The following AGBL4 variants were observed in gnomAD, a reference collection of about 807,000 sequenced individuals.
AGBL4 encodes the protein cytosolic carboxypeptidase 6.
A neutral mutation model predicts 66.4 loss-of-function variants in AGBL4; 58 were observed. That is an observed-to-expected ratio of 0.87 (90% confidence interval 0.71 to 1.09). AGBL4 has a LOEUF of 1.09. AGBL4 is among the 50% of genes least tolerant of loss of function. The probability of loss-of-function intolerance (pLI) is 0.00; values close to 1 mark genes in which losing one functional copy is unlikely to be tolerated. For synonymous variants in AGBL4, 234 were observed against 222.9 expected, an observed-to-expected ratio of 1.05 and a Z score of -0.44; for missense variants, 579 against 631.0, an observed-to-expected ratio of 0.92 and a Z score of 0.88.
At chr1:49,597,610 G>A (rs991321415) in intron 3 of AGBL4, among the ~76,000 whole-genome samples, 1 of 152,184 alleles carries the variant, frequency 6.6e-6, no homozygotes, top group Admixed American at 6.5e-5. Flanking sequence ...TGTAAAATGA[G>A]GCCAGCCCCC....
chr1:48,607,181 A>G (rs72679398), intron 9 of AGBL4, among the ~76,000 whole-genome samples: 2 of 152,110 alleles, frequency 1.3e-5, no homozygotes, highest in African/African-American at 2.4e-5. Context: ...GTGCTGTATA[A>G]GTAGTCATTT....
chr1:48,745,453 G>A (rs1029413017), intron 6 of AGBL4, among the ~76,000 whole-genome samples: 1 of 152,156 alleles, frequency 6.6e-6, no homozygotes, highest in South Asian at 2.1e-4. Flanking sequence ...ATCAGAGGGA[G>A]CAGGGGTTGA....
intron 3 of AGBL4, among the ~76,000 whole-genome samples, chr1:49,452,188 T>C (rs1205542062): frequency 6.6e-6 from 1 of 151,902 alleles, no homozygotes; most frequent in African/African-American, 2.4e-5. Context: ...ATCTGTTTTA[T>C]TATGCTTCTG....
At chr1:49,232,286 C>T (rs1282039537) in intron 4 of AGBL4, among the ~76,000 whole-genome samples, 1 of 152,118 alleles carries the variant, frequency 6.6e-6, no homozygotes, top group East Asian at 1.9e-4. Flanking sequence ...ATCAGACCCA[C>T]ATCTGGTTGG....
chr1:48,752,690 G>A (rs1272298827), intron 6 of AGBL4, among the ~76,000 whole-genome samples: 1 of 152,068 alleles, frequency 6.6e-6, no homozygotes, highest in African/African-American at 2.4e-5. Context: ...TCTTGATGCA[G>A]TACCTACTGA....
chr1:50,009,192 A>AAAAC (rs1482177462), intron 1 of AGBL4, among the ~76,000 whole-genome samples: 3 of 152,160 alleles, frequency 2.0e-5, no homozygotes, highest in Non-Finnish European at 4.4e-5. Flanking sequence ...CATCTAGGGA[A>AAAAC]AAACAAACAA....
chr1:48,907,007 A>G (rs200561183), intron 5 of AGBL4, among the ~76,000 whole-genome samples: 2 of 152,314 alleles, frequency 1.3e-5, no homozygotes, highest in East Asian at 3.9e-4. Flanking sequence ...TAAGATGACA[A>G]GAACTGGTGA....
At chr1:49,644,965 T>C (rs1645856413) in intron 3 of AGBL4, among the ~76,000 whole-genome samples, 1 of 151,460 alleles carries the variant, frequency 6.6e-6, no homozygotes, top group Admixed American at 6.6e-5. Flanking sequence ...AAATCCCTAA[T>C]AGAAAAATAT....
chr1:48,655,007 G>C (rs1347134425), intron 7 of AGBL4, among the ~76,000 whole-genome samples: 7 of 152,210 alleles, frequency 4.6e-5, no homozygotes, highest in Non-Finnish European at 1.0e-4. Context: ...CTCCATCAAG[G>C]AGCCAGCCTG....
intron 5 of AGBL4, among the ~76,000 whole-genome samples, chr1:48,968,121 A>G (rs943756990): frequency 6.6e-6 from 1 of 152,158 alleles, no homozygotes; most frequent in East Asian, 1.9e-4. Context: ...AACTACCCTA[A>G]GGAAAAAACA....
chr1:49,658,889 TAGG>T (rs1344981630), intron 3 of AGBL4, among the ~76,000 whole-genome samples: 1 of 151,860 alleles, frequency 6.6e-6, no homozygotes, highest in Non-Finnish European at 1.5e-5. Context: ...GGGATAGCAT[TAGG>T]AGATATACCT....
At chr1:49,370,435 C>G (rs1644319324) in intron 3 of AGBL4, among the ~76,000 whole-genome samples, 1 of 152,056 alleles carries the variant, frequency 6.6e-6, no homozygotes, top group Non-Finnish European at 1.5e-5. Flanking sequence ...ATTCCTTCAT[C>G]TCCAGAAACT....
At chr1:48,903,254 T>C (rs1438802825) in intron 5 of AGBL4, among the ~76,000 whole-genome samples, 1 of 152,224 alleles carries the variant, frequency 6.6e-6, no homozygotes, top group Admixed American at 6.5e-5. Context: ...TCTGGTAATC[T>C]GTTTGTTTCT....
At chr1:48,913,172 G>T (rs1432759144) in intron 5 of AGBL4, among the ~76,000 whole-genome samples, 2 of 152,160 alleles carry the variant, frequency 1.3e-5, no homozygotes, top group African/African-American at 4.8e-5. Context: ...AAAGAATATG[G>T]GAAGTCACCA....
At chr1:49,310,751 G>A (rs1644928586) in intron 3 of AGBL4, among the ~76,000 whole-genome samples, 1 of 152,028 alleles carries the variant, frequency 6.6e-6, no homozygotes, top group African/African-American at 2.4e-5. Context: ...AAAACTGGCT[G>A]TGAAGTTAGA....
intron 3 of AGBL4, among the ~76,000 whole-genome samples, chr1:49,451,586 C>T (rs1010440801): frequency 2.6e-5 from 4 of 151,916 alleles, no homozygotes; most frequent in African/African-American, 9.7e-5. Flanking sequence ...GGCACATCTG[C>T]CTTTTATGAA....
chr1:49,009,471 C>T (rs1381571115), intron 5 of AGBL4, among the ~76,000 whole-genome samples: 148 of 150,596 alleles, frequency 9.8e-4, no homozygotes, highest in African/African-American at 3.4e-3. Flanking sequence ...TGGTACCATT[C>T]CTTCTGAAAC....
At chr1:49,905,822 A>G (rs1182202268) in intron 1 of AGBL4, among the ~76,000 whole-genome samples, 1 of 152,140 alleles carries the variant, frequency 6.6e-6, no homozygotes, top group African/African-American at 2.4e-5. Context: ...TTAAGCATAT[A>G]TGAACTGTAT....
At chr1:49,598,376 T>C (rs1186867474) in intron 3 of AGBL4, among the ~76,000 whole-genome samples, 1 of 152,218 alleles carries the variant, frequency 6.6e-6, no homozygotes, top group African/African-American at 2.4e-5. Context: ...ATGATGGTGA[T>C]GTACAGATGG....
Sources: allele counts gnomAD v4.1 joint callset (sites outside exome capture counted in the v4.1 genomes callset), GRCh38; gene constraint gnomAD v4.1.1; transcripts MANE v1.5; gene names NCBI Gene and HGNC (gene_info 2026-07-23, HGNC 2026-07-21).